Variants in DCP2 observed in about 807,000 individuals in gnomAD.
The protein encoded by DCP2 is m7GpppN-mRNA hydrolase.
A neutral mutation model predicts 56.1 loss-of-function variants in DCP2; 30 were observed. The observed-to-expected ratio is 0.53, with a 90% CI of 0.40 to 0.73. DCP2 has a LOEUF of 0.73. DCP2 is among the 30% of genes least tolerant of loss of function. The pLI is 0.00. For synonymous variants in DCP2, 197 were observed against 163.3 expected, an observed-to-expected ratio of 1.21 and a Z score of -1.57; for missense variants, 533 against 502.7, an observed-to-expected ratio of 1.06 and a Z score of -0.58.
rs765655977 is a variant in DCP2 at position 113,013,403 on chromosome 5, T to C, written c.1182T>C (p.His394=). 2 of 1,614,184 alleles carry C rather than the reference T, an allele frequency of 1.2e-6. No homozygotes were observed. Among genetic ancestry groups the C allele is most frequent in the South Asian group, 2.2e-5 (2 of 91,088 alleles). Residue 394 remains histidine (H), a synonymous_variant, in exon 11 of 11, where the codon CAT becomes CAC. Transcript: ENST00000389063. ...AEGQPVACNG[H]CKFPFSSRAF... is the part of the protein sequence containing the mutation. ...GACAGCCCGTGGCATGTAATGGACA[T>C]TGCAAGTTCCCCTTTTCATCCAGAG...
Position 113,017,411 on chromosome 5 carries a change from G to T in DCP2, c.*3927G>T, listed in dbSNP as rs1475599539. 1.3e-5 allele frequency: 2 copies of T among 152,268 alleles called. No individual in the cohort carries two copies. The highest frequency in any genetic ancestry group is 3.9e-4 in the East Asian group (2 of 5,188). The allele number at this position is 152,268 out of a possible 1,614,324, so 9.4% of individuals were successfully genotyped here. On this transcript the variant is annotated 3_prime_UTR_variant, in exon 11 of 11. Coordinates refer to ENST00000389063, the MANE Select transcript of DCP2 (RefSeq NM_152624.6). ...CTCCTGACAGCTTGGTAAAGTCTAGGTAGAGTTTCTGATTTTGTATTATGT... is the reference window on the plus strand; with the variant it reads ...CTCCTGACAGCTTGGTAAAGTCTAGTTAGAGTTTCTGATTTTGTATTATGT...
intron 4 of DCP2, among the ~76,000 whole-genome samples, chr5:112,999,215 A>G (rs1387158957): frequency 6.6e-6 from 1 of 152,252 alleles, no homozygotes. Flanking sequence ...TCATATGACT[A>G]GCTATGTATA....
chr5:113,003,831 A>C (rs765706864), intron 7 of DCP2, 111 bp from the exon 8 acceptor site: 40 of 1,216,968 alleles, frequency 3.3e-5, no homozygotes, highest in African/African-American at 4.5e-5. Context: ...CCAGTGGGGA[A>C]GATAGACAGT....
At position 113,001,073 on chromosome 5, in the gene DCP2, G is replaced by T; in HGVS notation, c.433-11G>T. 2 of 1,571,216 alleles carry T rather than the reference G, an allele frequency of 1.3e-6. No homozygotes were observed. Among genetic ancestry groups the T allele is most frequent in the Non-Finnish European group, 1.7e-6 (2 of 1,161,352 alleles). ...TAAAATGAAAATTTCATCCAAATTT[G>T]TTGTTTCCAGGTCTTTGAAGAAACT... On this transcript the variant is annotated splice_polypyrimidine_tract_variant and intron_variant, in intron 4 of 10. Coordinates refer to ENST00000389063, the MANE Select transcript of DCP2 (RefSeq NM_152624.6).
chr5:112,981,415 A>G (rs1442606119), intron 1 of DCP2, among the ~76,000 whole-genome samples: 2 of 152,040 alleles, frequency 1.3e-5, no homozygotes, highest in Non-Finnish European at 2.9e-5. Context: ...TTTCTTGCCC[A>G]TTCCCTCGGC....
chr5:112,979,725 T>C (rs888217295), intron 1 of DCP2, among the ~76,000 whole-genome samples: 4 of 152,208 alleles, frequency 2.6e-5, no homozygotes, highest in African/African-American at 9.6e-5. Flanking sequence ...GATGCTTTAG[T>C]ATGTAACATT....
intron 2 of DCP2, among the ~76,000 whole-genome samples, chr5:112,986,974 G>A (rs1748318745): frequency 6.6e-6 from 1 of 152,174 alleles, no homozygotes; most frequent in Admixed American, 6.5e-5. Context: ...CTGCACTCCA[G>A]CCTGGACGGC....
chr5:113,007,848 T>C, intron 8 of DCP2, 90 bp from the exon 9 acceptor site: 1 of 1,159,516 alleles, frequency 8.6e-7, no homozygotes, highest in Non-Finnish European at 1.2e-6. Flanking sequence ...AAAAACTTGG[T>C]TCAACCAGCT....
At chr5:113,003,824 G>C in intron 7 of DCP2, 118 bp from the exon 8 acceptor site, 1 of 1,168,752 alleles carries the variant, frequency 8.6e-7, no homozygotes, top group Non-Finnish European at 1.2e-6. Context: ...TTACATTCCA[G>C]TGGGGAAGAT....
intron 2 of DCP2, among the ~76,000 whole-genome samples, chr5:112,991,002 T>G (rs1028205178): frequency 1.3e-5 from 2 of 152,222 alleles, no homozygotes; most frequent in African/African-American, 4.8e-5. Context: ...CTCTCTGTTA[T>G]GAAACATTCC....
chr5:113,001,561 C>T lies in DCP2; in HGVS notation c.699-6C>T, dbSNP rs763511982. The T allele has an allele frequency of 6.2e-7, 1 of 1,613,142 alleles. No homozygotes were observed. Among genetic ancestry groups the T allele is most frequent in the African/African-American group, 1.3e-5 (1 of 75,018 alleles). On this transcript the variant is annotated splice_region_variant and splice_polypyrimidine_tract_variant and intron_variant, in intron 6 of 10. Transcript: ENST00000389063. Reference sequence around the variant, plus strand: ...TTTTGAAAGTGAATTCTTAATGTTTCTGCAGACCATTAAGGGACTGGCTTT... The same window carrying T: ...TTTTGAAAGTGAATTCTTAATGTTTTTGCAGACCATTAAGGGACTGGCTTT...
intron 10 of DCP2, 151 bp downstream of exon 10, chr5:113,010,958 C>G: frequency 2.7e-6 from 2 of 749,942 alleles, no homozygotes; most frequent in Middle Eastern, 5.4e-4. Flanking sequence ...ATGTAGAGTT[C>G]TCTAAGAAAC....
At position 113,013,388 on chromosome 5, in the gene DCP2, G is replaced by A; in HGVS notation, c.1167G>A (p.Val389=). 6.2e-7 allele frequency: 1 copy of A among 1,614,140 alleles called. No individual in the cohort carries two copies. Among genetic ancestry groups the A allele is most frequent in the South Asian group, 1.1e-5 (1 of 91,082 alleles). The change falls in exon 11 of 11, where the codon GTG becomes GTA. Residue 389 remains valine (V), a synonymous_variant. Coordinates refer to ENST00000389063, the MANE Select transcript of DCP2 (RefSeq NM_152624.6). The part of the protein sequence containing the change: ...QLLEHAEGQP[V]ACNGHCKFPF... ...TAGAACATGCTGAGGGACAGCCCGT[G>A]GCATGTAATGGACATTGCAAGTTCC...
At chr5:112,994,590 C>T (rs1446002609) in intron 4 of DCP2, among the ~76,000 whole-genome samples, 1 of 152,118 alleles carries the variant, frequency 6.6e-6, no homozygotes, top group Non-Finnish European at 1.5e-5. Context: ...TATATAATAC[C>T]TTGTGATGGA....
chr5:113,010,731 G>T (rs768067516), intron 9 of DCP2, 25 bp from the exon 10 acceptor site: 2 of 1,475,180 alleles, frequency 1.4e-6, no homozygotes, highest in African/African-American at 1.9e-5. Context: ...GTGTGTGTGT[G>T]TGTGTTTTTT....
At chr5:113,002,577 G>C (rs1030173104) in intron 7 of DCP2, among the ~76,000 whole-genome samples, 1 of 152,066 alleles carries the variant, frequency 6.6e-6, no homozygotes, top group South Asian at 2.1e-4. Context: ...GCTGGAGTAC[G>C]TGGCATGATC....
chr5:112,986,152 A>T, intron 2 of DCP2, 166 bp downstream of exon 2: 1 of 586,382 alleles, frequency 1.7e-6, no homozygotes, highest in South Asian at 3.6e-5. Context: ...TAATAATCAT[A>T]TTAATAATCA....
intron 1 of DCP2, among the ~76,000 whole-genome samples, chr5:112,978,274 C>T (rs2080899): frequency 0.23 from 35,458 of 152,156 alleles, 5,011 homozygotes; most frequent in African/African-American, 0.41. Context: ...CGCGCCCGGC[C>T]TGGAGTTTCT....
At chr5:112,983,187 C>G (rs538745205) in intron 1 of DCP2, among the ~76,000 whole-genome samples, 2 of 152,270 alleles carry the variant, frequency 1.3e-5, no homozygotes, top group Admixed American at 6.5e-5. Context: ...GTCTGGGTTT[C>G]TCTTCAAGTA....
Sources: gnomAD v4.1 joint callset for allele counts (sites outside exome capture counted in the v4.1 genomes callset) on GRCh38, gnomAD v4.1.1 for gene constraint, MANE v1.5 for transcripts, NCBI Gene and HGNC (gene_info 2026-07-23, HGNC 2026-07-21) for gene names.